Variants in DESI1 observed in about 807,000 individuals in gnomAD.
DESI1 encodes the protein PPPDE peptidase domain containing 2.
A neutral mutation model predicts 22.4 loss-of-function variants in DESI1; 17 were observed. That is an observed-to-expected ratio of 0.76 (90% confidence interval 0.52 to 1.14). DESI1 has a LOEUF of 1.14. Ranked by LOEUF, DESI1 falls within the 50% of genes most tolerant of loss-of-function variation. The pLI is 0.00. For synonymous variants in DESI1, 92 were observed against 84.2 expected (o/e 1.09, Z -0.51); for missense variants, 177 against 208.9 (o/e 0.85, Z 0.94).
intron 2 of DESI1, 108 bp downstream of exon 2, chr22:41,607,732 G>T: frequency 7.8e-7 from 1 of 1,282,004 alleles, no homozygotes; most frequent in Non-Finnish European, 1.1e-6. Context: ...AAGATTTATA[G>T]CATGGAGAGC....
At position 41,598,393 on chromosome 22, in the gene DESI1, A is replaced by G. The variant is rs980333112; in HGVS notation, c.*2704T>C. On this transcript the variant is annotated 3_prime_UTR_variant, in exon 6 of 6. Transcript: ENST00000263256. The stretch of plus-strand genomic sequence containing the variant: ...TGAGCCTGAGTTTACAGTTAGTGAC[A>G]GTGGGGCTCCCATTGGGAGGGAGAG... The G allele has an allele frequency of 6.6e-6, 1 of 152,238 alleles. No homozygotes were observed. The highest frequency in any genetic ancestry group is 1.5e-5 in the Non-Finnish European group (1 of 68,058). 9.4% of individuals were successfully genotyped at this position (152,238 alleles called of 1,614,324 possible). A position where few individuals can be genotyped will look rare whatever the true frequency, so the allele number is the denominator to read the frequency against.
intron 1 of DESI1, 52 bp from the exon 2 acceptor site, chr22:41,607,913 T>A (rs1336071128): frequency 6.2e-7 from 1 of 1,603,898 alleles, no homozygotes; most frequent in Non-Finnish European, 8.5e-7. Flanking sequence ...AAGTGGCCCC[T>A]CAGCCTTGGT....
chr22:41,602,920 G>T, intron 5 of DESI1: 1 of 673,090 alleles, frequency 1.5e-6, no homozygotes, highest in Non-Finnish European at 2.0e-6. Flanking sequence ...GTCTAACATT[G>T]CATTTTAACT....
intron 3 of DESI1, among the ~76,000 whole-genome samples, chr22:41,606,083 T>C (rs1182759995): frequency 6.6e-6 from 1 of 152,160 alleles, no homozygotes; most frequent in Non-Finnish European, 1.5e-5. Flanking sequence ...GAGGCCATGC[T>C]GAGTTTTCTG....
At chr22:41,607,158 T>G in intron 3 of DESI1, 104 bp downstream of exon 3, 3 of 1,118,896 alleles carry the variant, frequency 2.7e-6, no homozygotes, top group Non-Finnish European at 2.4e-6. Flanking sequence ...TCAGGTGGCT[T>G]TGAGGAACAA....
In DESI1 at chr22:41,620,689, G is replaced by A. The variant is rs755072088; in HGVS notation, c.88+63C>T. ...GTCGTGGCCCAAGTCTCCCCACCTCGGCCAGCCGCCACCCTCTGGCCTGGC... is the reference window on the plus strand; with the variant it reads ...GTCGTGGCCCAAGTCTCCCCACCTCAGCCAGCCGCCACCCTCTGGCCTGGC... On this transcript the variant is annotated intron_variant, in intron 1 of 5. Coordinates refer to ENST00000263256, the MANE Select transcript of DESI1 (RefSeq NM_015704.3). The A allele has an allele frequency of 1.7e-4, 252 of 1,507,206 alleles. 1 individual carries two copies. The highest frequency in any genetic ancestry group is 2.0e-4 in the Non-Finnish European group (227 of 1,111,200). The allele number at this position is 1,507,206 out of a possible 1,614,324, so 93.4% of individuals were successfully genotyped here.
intron 1 of DESI1, among the ~76,000 whole-genome samples, chr22:41,612,999 G>A (rs2067527566): frequency 6.6e-6 from 1 of 152,188 alleles, no homozygotes; most frequent in African/African-American, 2.4e-5. Flanking sequence ...GATGACCAGA[G>A]GTAATGGAGG....
chr22:41,602,992 T>C, intron 5 of DESI1: 1 of 586,292 alleles, frequency 1.7e-6, no homozygotes, highest in Non-Finnish European at 2.7e-6. Flanking sequence ...CAGAATTTTG[T>C]GCAAGTACTG....
intron 1 of DESI1, among the ~76,000 whole-genome samples, chr22:41,609,903 C>T (rs1339971603): frequency 6.7e-6 from 1 of 149,712 alleles, no homozygotes; most frequent in Admixed American, 6.7e-5. Context: ...GCCTGGTCAA[C>T]AACCCCGTTT....
At chr22:41,602,646 G>C (rs971819159) in intron 5 of DESI1, 1 of 986,758 alleles carries the variant, frequency 1.0e-6, no homozygotes, top group African/African-American at 1.7e-5. Context: ...GAGGAGGTGA[G>C]ATGGCTTTGG....
intron 4 of DESI1, 126 bp from the exon 5 acceptor site, chr22:41,603,507 T>C: frequency 3.5e-6 from 5 of 1,444,072 alleles, no homozygotes; most frequent in Non-Finnish European, 4.7e-6. Context: ...CCCCGTCTCA[T>C]ACACCAGAAA....
At chr22:41,616,491 TAAAC>T (rs57198548) in intron 1 of DESI1, among the ~76,000 whole-genome samples, 10,888 of 149,746 alleles carry the variant, frequency 0.073, 937 homozygotes, top group African/African-American at 0.21. Context: ...CAGAAAATAA[TAAAC>T]AAATATGAAG....
At chr22:41,614,776 G>T (rs764584082) in intron 1 of DESI1, among the ~76,000 whole-genome samples, 29 of 151,404 alleles carry the variant, frequency 1.9e-4, no homozygotes, top group Non-Finnish European at 2.9e-4. Context: ...GTAGAGATGG[G>T]GTTTCACTAT....
At chr22:41,602,558 G>A in intron 5 of DESI1, 1 of 985,582 alleles carries the variant, frequency 1.0e-6, no homozygotes. Flanking sequence ...TAGTTCAGGA[G>A]AAACTGAGTC....
chr22:41,619,367 C>T (rs17002523), intron 1 of DESI1, among the ~76,000 whole-genome samples: 10,981 of 152,192 alleles, frequency 0.072, 958 homozygotes, highest in African/African-American at 0.2. Context: ...GTATGTAATA[C>T]ACAGGTCCAG....
chr22:41,601,523 G>C (rs2067449935), intron 5 of DESI1, among the ~76,000 whole-genome samples: 5 of 152,210 alleles, frequency 3.3e-5, no homozygotes. Flanking sequence ...CTATGTGCTT[G>C]TGTCTTTAAT....
chr22:41,604,076 C>G lies in DESI1; in HGVS notation c.258G>C (p.Glu86Asp). The G allele has an allele frequency of 6.2e-7, 1 of 1,613,896 alleles. No individual in the cohort carries two copies. Among genetic ancestry groups the G allele is most frequent in the Non-Finnish European group, 8.5e-7 (1 of 1,180,002 alleles). ...GGGACTCCCCCAGGGAGGAGAGGTACTCCAGAAAGATTTCTTCTGTGACTT... is the reference window on the plus strand; with the variant it reads ...GGGACTCCCCCAGGGAGGAGAGGTAGTCCAGAAAGATTTCTTCTGTGACTT... ...STEVTEEIFL[E>D]YLSSLGESLF... is the part of the protein sequence containing the mutation. Residue 86 changes from glutamate (E) to aspartate (D), a missense_variant, in exon 4 of 6, where the codon GAG becomes GAC. Transcript: ENST00000263256.
intron 1 of DESI1, among the ~76,000 whole-genome samples, chr22:41,618,628 C>T (rs2067564064): frequency 6.6e-6 from 1 of 151,958 alleles, no homozygotes; most frequent in Admixed American, 6.6e-5. Flanking sequence ...CTTTCAGCTG[C>T]CCAATAATTA....
intron 2 of DESI1, 121 bp downstream of exon 2, chr22:41,607,719 T>G (rs1172228391): frequency 1.6e-5 from 19 of 1,187,752 alleles, no homozygotes; most frequent in Non-Finnish European, 2.4e-5. Flanking sequence ...GCTTTAGGGC[T>G]TGAAGATTTA....
Sources: allele counts gnomAD v4.1 joint callset (sites outside exome capture counted in the v4.1 genomes callset), GRCh38; gene constraint gnomAD v4.1.1; transcripts MANE v1.5; gene names NCBI Gene and HGNC (gene_info 2026-07-23, HGNC 2026-07-21).